SRPK2: variants seen among roughly 807,000 people sequenced by gnomAD.
The protein encoded by SRPK2 is SFRS protein kinase 2.
A neutral mutation model predicts 90.8 loss-of-function variants in SRPK2; 21 were observed. The ratio of observed to expected loss-of-function variants is 0.23; its 90% CI spans 0.16 to 0.33. The LOEUF (loss-of-function observed/expected upper bound fraction) is 0.33. Ranked by LOEUF, SRPK2 falls within the 10% of genes least tolerant of loss-of-function variation. SRPK2 has a pLI of 1.00. For synonymous variants in SRPK2, 288 were observed against 311.1 expected, an observed-to-expected ratio of 0.93 and a Z score of 0.78; for missense variants, 620 against 869.0, an observed-to-expected ratio of 0.71 and a Z score of 3.60.
At chr7:105,265,903 A>G (rs989681793) in intron 2 of SRPK2, among the ~76,000 whole-genome samples, 3 of 152,020 alleles carry the variant, frequency 2.0e-5, no homozygotes, top group African/African-American at 7.2e-5. Flanking sequence ...TCTGCTCTTA[A>G]TTTTTTAAAT....
At position 105,122,155 on chromosome 7, in the gene SRPK2, C is replaced by A. The variant is rs760495599; in HGVS notation, c.1915+4093G>T. Among the ~76,000 whole-genome samples, 50 of 152,168 alleles carry A rather than the reference C, an allele frequency of 3.3e-4. 1 individual carries two copies. Among genetic ancestry groups the A allele is most frequent in the Non-Finnish European group, 5.7e-4 (39 of 68,030 alleles). Reference sequence around the variant, plus strand: ...CCTACCTCACATCCCATACAAAAATCAACTCAAAATAGGTCATATGCCTCA... The same window carrying A: ...CCTACCTCACATCCCATACAAAAATAAACTCAAAATAGGTCATATGCCTCA... On this transcript the variant is annotated intron_variant, in intron 15 of 15. Coordinates refer to ENST00000393651, the MANE Select transcript of SRPK2 (RefSeq NM_182692.3).
At chr7:105,387,502 G>A (rs943910139) in intron 2 of SRPK2, among the ~76,000 whole-genome samples, 1 of 140,312 alleles carries the variant, frequency 7.1e-6, no homozygotes, top group African/African-American at 2.7e-5. Flanking sequence ...TTACTCTAAT[G>A]GTTTTTTCTT....
chr7:105,156,098 C>T (rs1218315967), intron 7 of SRPK2, among the ~76,000 whole-genome samples: 1 of 152,174 alleles, frequency 6.6e-6, no homozygotes, highest in East Asian at 1.9e-4. Flanking sequence ...CAGAAAGTGA[C>T]TTAACTTCTA....
intron 2 of SRPK2, among the ~76,000 whole-genome samples, chr7:105,372,682 T>C (rs1196131263): frequency 6.6e-6 from 1 of 152,228 alleles, no homozygotes; most frequent in Non-Finnish European, 1.5e-5. Flanking sequence ...TAAAAAAGCC[T>C]ATAAGCTTAA....
chr7:105,275,978 AT>A (rs1404586413), intron 2 of SRPK2, among the ~76,000 whole-genome samples: 10 of 152,216 alleles, frequency 6.6e-5, no homozygotes, highest in Non-Finnish European at 1.2e-4. Flanking sequence ...TTCAATGGGA[AT>A]CATTCTGGCA....
At chr7:105,392,646 T>C (rs1822210682), upstream of SRPK2, among the ~76,000 whole-genome samples, 1 of 151,880 alleles carries the variant, frequency 6.6e-6, no homozygotes, top group Non-Finnish European at 1.5e-5. Context: ...CCCAAGTAGC[T>C]GGGACTACAG....
chr7:105,241,408 T>C (rs980062596), intron 2 of SRPK2, among the ~76,000 whole-genome samples: 1 of 152,220 alleles, frequency 6.6e-6, no homozygotes, highest in Admixed American at 6.5e-5. Flanking sequence ...ATGAAAATCC[T>C]GCCTGACTCC....
At chr7:105,311,815 A>G (rs1811737702) in intron 2 of SRPK2, among the ~76,000 whole-genome samples, 1 of 152,176 alleles carries the variant, frequency 6.6e-6, no homozygotes, top group South Asian at 2.1e-4. Flanking sequence ...GTTCCTCAAA[A>G]ACTAAAGCAC....
chr7:105,172,349 G>A (rs1791265381), intron 3 of SRPK2, among the ~76,000 whole-genome samples: 1 of 152,224 alleles, frequency 6.6e-6, no homozygotes, highest in African/African-American at 2.4e-5. Context: ...GTGTTCAATA[G>A]AGGAGCAGGG....
intron 2 of SRPK2, among the ~76,000 whole-genome samples, chr7:105,273,334 C>T (rs1425399834): frequency 6.6e-6 from 1 of 152,128 alleles, no homozygotes; most frequent in Non-Finnish European, 1.5e-5. Flanking sequence ...CTTTTTCACG[C>T]CACTAAATCT....
In SRPK2 at chr7:105,388,742, G is replaced by A. The variant is rs767512274; in HGVS notation, c.17-40C>T. 7.1e-6 allele frequency: 11 copies of A among 1,553,122 alleles called. No homozygotes were observed. The South Asian group carries it at 1.1e-4, about 15-fold the overall frequency. On this transcript the variant is annotated intron_variant, in intron 1 of 15. Coordinates refer to ENST00000393651, the MANE Select transcript of SRPK2 (RefSeq NM_182692.3). ...ACACACATTAACGGTCGGGCCGCCC[G>A]CCCGGGCTGGCCGCGTGGCGGGGAG... is the stretch of plus-strand genomic sequence containing the variant.
chr7:105,395,454 G>C (rs1405743756), intron 1 of SRPK2, among the ~76,000 whole-genome samples: 1 of 151,720 alleles, frequency 6.6e-6, no homozygotes, highest in Non-Finnish European at 1.5e-5. Context: ...AGCTGGCTGG[G>C]CACAGTGGCT....
chr7:105,208,287 C>T (rs558587878), intron 2 of SRPK2, among the ~76,000 whole-genome samples: 2 of 152,228 alleles, frequency 1.3e-5, no homozygotes, highest in East Asian at 1.9e-4. Context: ...AATTCCACTC[C>T]CAAGTATATA....
At chr7:105,136,479 A>C (rs574625299) in intron 11 of SRPK2, among the ~76,000 whole-genome samples, 2 of 152,176 alleles carry the variant, frequency 1.3e-5, no homozygotes, top group Non-Finnish European at 2.9e-5. Flanking sequence ...AAAAGCTTGC[A>C]ATTGCACTCT....
At chr7:105,195,801 G>T (rs997860086) in intron 3 of SRPK2, among the ~76,000 whole-genome samples, 6 of 151,820 alleles carry the variant, frequency 4.0e-5, no homozygotes, top group African/African-American at 1.5e-4. Context: ...ACACTTAGAT[G>T]AAAAAAAAGA....
chr7:105,193,033 C>T (rs1794497591), intron 3 of SRPK2, among the ~76,000 whole-genome samples: 1 of 152,122 alleles, frequency 6.6e-6, no homozygotes, highest in Non-Finnish European at 1.5e-5. Context: ...TGTAAAAGCT[C>T]TTTAGTTTAA....
At position 105,339,672 on chromosome 7, in the gene SRPK2, G is replaced by A. The variant is rs144174434; in HGVS notation, c.71+48976C>T. Among the ~76,000 whole-genome samples, 218 of 152,308 alleles carry A rather than the reference G, an allele frequency of 1.4e-3. 1 individual carries two copies. Among genetic ancestry groups the A allele is most frequent in the African/African-American group, 4.8e-3 (201 of 41,564 alleles). Reference sequence around the variant, plus strand: ...ATTGATAGTGCAATAGCAAAGGTACGTGCCTGACCAGGATCCTGGTCCTAA... The same window carrying A: ...ATTGATAGTGCAATAGCAAAGGTACATGCCTGACCAGGATCCTGGTCCTAA... On this transcript the variant is annotated intron_variant, in intron 2 of 15. Transcript: ENST00000393651.
intron 2 of SRPK2, among the ~76,000 whole-genome samples, chr7:105,280,416 G>C (rs1031026697): frequency 6.9e-6 from 1 of 145,720 alleles, no homozygotes; most frequent in African/African-American, 2.6e-5. Context: ...GAGTGAGACT[G>C]TCTTCAAAAA....
intron 2 of SRPK2, among the ~76,000 whole-genome samples, chr7:105,250,173 T>C (rs928729752): frequency 4.0e-5 from 6 of 148,914 alleles, no homozygotes; most frequent in South Asian, 4.3e-4. Flanking sequence ...CTACTAAAAA[T>C]ACAAAAAATT....
Sources: allele counts gnomAD v4.1 joint callset (sites outside exome capture counted in the v4.1 genomes callset), GRCh38; gene constraint gnomAD v4.1.1; transcripts MANE v1.5; gene names NCBI Gene and HGNC (gene_info 2026-07-23, HGNC 2026-07-21).